The following ERCC6L2 variants were observed in gnomAD, a reference collection of about 807,000 sequenced individuals.
ERCC6L2 encodes ERCC excision repair 6 like 2.
ERCC6L2 carries 77 observed loss-of-function variants against 132.0 expected under a neutral mutation model. That is an observed-to-expected ratio of 0.58 (90% CI 0.49 to 0.71). The LOEUF is 0.71. ERCC6L2 is among the 30% of genes least tolerant of loss of function. The pLI, the probability that ERCC6L2 is intolerant of heterozygous loss-of-function variation, is 0.00. For synonymous variants in ERCC6L2, 583 were observed against 632.4 expected, an observed-to-expected ratio of 0.92 and a Z score of 1.17; for missense variants, 1,542 against 1,837.6, an observed-to-expected ratio of 0.84 and a Z score of 2.94.
At chr9:95,917,450 C>T (rs1829654100) in intron 6 of ERCC6L2, among the ~76,000 whole-genome samples, 1 of 152,128 alleles carries the variant, frequency 6.6e-6, no homozygotes, top group Non-Finnish European at 1.5e-5. Flanking sequence ...AGTGTATCCT[C>T]TTGATTGTTT....
chr9:95,981,527 A>G (rs1832893466), intron 17 of ERCC6L2, among the ~76,000 whole-genome samples: 1 of 152,216 alleles, frequency 6.6e-6, no homozygotes, highest in Admixed American at 6.5e-5. Context: ...AAATAAGAAC[A>G]CATTTTGCCT....
In ERCC6L2 at chr9:95,987,647, G is replaced by A. The variant is rs191205392; in HGVS notation, c.3492+9432G>A. On this transcript the variant is annotated intron_variant, in intron 17 of 18. Coordinates refer to ENST00000653738, the MANE Select transcript of ERCC6L2 (RefSeq NM_020207.7). ...GACTGCTTCCATGGGCTAGCATTGA[G>A]TGGCTGTGGCTTTTCCAGGTGCACA... 3.8e-3 allele frequency among the ~76,000 whole-genome samples: 584 copies of A among 152,304 alleles called. 7 individuals are homozygous for A. Among genetic ancestry groups the A allele is most frequent in the African/African-American group, 0.013 (559 of 41,552 alleles).
intron 17 of ERCC6L2, among the ~76,000 whole-genome samples, chr9:95,984,406 C>T (rs1291553174): frequency 6.6e-6 from 1 of 151,146 alleles, no homozygotes; most frequent in Non-Finnish European, 1.5e-5. Context: ...TTTTTTTCTA[C>T]CTGGAATAAC....
At position 95,915,756 on chromosome 9, in the gene ERCC6L2, T is replaced by C. The variant is rs1294184366; in HGVS notation, c.877T>C (p.Cys293Arg). Residue 293 changes from cysteine to arginine, a missense_variant, in exon 5 of 19, where the codon TGT becomes CGT. By Grantham distance (180) the Cys-to-Arg change is radical. Transcript: ENST00000653738. ...AACAGAAGTTATGAAAGCTTTGAAA[T>C]GTAATGTCCGCATTGGCCTCACTGG... Reference protein sequence around the residue: ...RVTEVMKALKCNVRIGLTGTI... With the variant: ...RVTEVMKALKRNVRIGLTGTI... The C allele has an allele frequency of 6.2e-7, 1 of 1,613,980 alleles. No individual in the cohort carries two copies. The highest frequency in any genetic ancestry group is 1.7e-5 in the Admixed American group (1 of 60,034).
chr9:95,933,907 T>C (rs1054710985), intron 11 of ERCC6L2, among the ~76,000 whole-genome samples: 3 of 151,864 alleles, frequency 2.0e-5, no homozygotes, highest in African/African-American at 7.3e-5. Flanking sequence ...GAAAATACCT[T>C]GCATAGTTCC....
chr9:95,880,928 G>A lies in ERCC6L2; in HGVS notation c.106G>A (p.Glu36Lys), dbSNP rs778732116. The A allele has an allele frequency of 2.5e-6, 4 of 1,613,810 alleles. No homozygotes were observed. Among genetic ancestry groups the A allele is most frequent in the Admixed American group, 1.7e-5 (1 of 59,984 alleles). Residue 36 changes from glutamate (E) to lysine (K), a missense_variant, in exon 2 of 19, where the codon GAA (glutamate) becomes AAA (lysine). Physicochemically the swap from Glu to Lys is moderately conservative, Grantham distance 56 (BLOSUM62 1). Transcript: ENST00000653738. ...APSPDNGKLC[E>K]ASIKSITVDE... ...TTCTCCAGATAATGGAAAACTTTGT[G>A]AAGCAAGCATAAAATCTATCACAGT...
intron 17 of ERCC6L2, among the ~76,000 whole-genome samples, chr9:95,985,337 T>C (rs1363587220): frequency 6.6e-6 from 1 of 152,194 alleles, no homozygotes; most frequent in Non-Finnish European, 1.5e-5. Context: ...TTGTGATAAT[T>C]CCCGCATGGA....
intron 14 of ERCC6L2, chr9:95,966,995 G>C (rs1051073861): frequency 4.2e-6 from 1 of 235,662 alleles, no homozygotes; most frequent in East Asian, 8.3e-5. Context: ...GAAGTTTATA[G>C]TTTTGAAAAC....
At chr9:95,888,942 T>C (rs1828017829) in intron 2 of ERCC6L2, among the ~76,000 whole-genome samples, 1 of 152,178 alleles carries the variant, frequency 6.6e-6, no homozygotes, top group Admixed American at 6.5e-5. Flanking sequence ...TGGTTTTAGC[T>C]AGCTTCTCCA....
chr9:95,922,277 T>C, intron 7 of ERCC6L2, 28 bp from the exon 8 acceptor site: 1 of 1,288,826 alleles, frequency 7.8e-7, no homozygotes, highest in Non-Finnish European at 1.1e-6. Flanking sequence ...GCTGGTCCTT[T>C]TTATTTTCTA....
At chr9:95,974,981 T>C (rs1039699520) in intron 16 of ERCC6L2, among the ~76,000 whole-genome samples, 2 of 152,244 alleles carry the variant, frequency 1.3e-5, no homozygotes, top group Middle Eastern at 3.4e-3. Context: ...GATTTACTTT[T>C]AATGCCCCAT....
intron 17 of ERCC6L2, among the ~76,000 whole-genome samples, chr9:95,996,058 A>G (rs1833461767): frequency 6.6e-6 from 1 of 152,268 alleles, no homozygotes; most frequent in Non-Finnish European, 1.5e-5. Context: ...AAAAGCCAAA[A>G]TAGGCTGAAA....
intron 19 of ERCC6L2, among the ~76,000 whole-genome samples, chr9:96,035,858 C>A (rs963307725): frequency 8.5e-5 from 13 of 152,132 alleles, no homozygotes; most frequent in Non-Finnish European, 1.3e-4. Context: ...AGTGGAGCAG[C>A]AAACCAGTGA....
Position 95,891,046 on chromosome 9 carries a change from C to CT in ERCC6L2, c.472-6802dup, listed in dbSNP as rs1354797526. 2.6e-5 allele frequency among the ~76,000 whole-genome samples: 4 copies of CT among 152,286 alleles called. No homozygotes were observed. The South Asian group carries it at 6.2e-4, about 24-fold the overall frequency. ...TGACCAACATGGAGAAACTCTGTCT[C>CT]TACTAAAAATACAAAATTAGCTGGG... On this transcript the variant is annotated intron_variant, in intron 2 of 18. Coordinates refer to ENST00000653738, the MANE Select transcript of ERCC6L2 (RefSeq NM_020207.7).
intron 11 of ERCC6L2, among the ~76,000 whole-genome samples, chr9:95,929,295 A>C (rs1830236409): frequency 6.6e-6 from 1 of 152,166 alleles, no homozygotes; most frequent in Non-Finnish European, 1.5e-5. Context: ...CCTCATCTCA[A>C]CTGGAGCAGC....
intron 4 of ERCC6L2, among the ~76,000 whole-genome samples, chr9:95,911,940 A>G (rs1444146610): frequency 3.3e-5 from 5 of 152,010 alleles, no homozygotes; most frequent in Admixed American, 2.6e-4. Flanking sequence ...CAACTTTTCA[A>G]TTTTTCTTTA....
intron 11 of ERCC6L2, among the ~76,000 whole-genome samples, chr9:95,934,661 C>T (rs913376473): frequency 6.6e-6 from 1 of 152,098 alleles, no homozygotes; most frequent in African/African-American, 2.4e-5. Context: ...TGACTACAAA[C>T]AGCTTTCTAA....
chr9:95,928,850 C>T lies in ERCC6L2; in HGVS notation c.1737C>T (p.Cys579=). 6.3e-7 allele frequency: 1 copy of T among 1,592,214 alleles called. No individual in the cohort carries two copies. The highest frequency in any genetic ancestry group is 2.3e-5 in the East Asian group (1 of 44,014). ...EFNSTQDVNI[C]LVSTMAGGLG... ...ACAGTACACAAGATGTTAACATTTG[C>T]CTTGTCTCTACAATGTAAGAAAATT... is the stretch of plus-strand genomic sequence containing the variant. Residue 579 remains cysteine, a synonymous_variant, in exon 11 of 19, where the codon TGC becomes TGT. Transcript: ENST00000653738.
chr9:96,040,157 C>A (rs371058306), intron 20 of ERCC6L2, among the ~76,000 whole-genome samples: 2 of 152,132 alleles, frequency 1.3e-5, no homozygotes, highest in South Asian at 2.1e-4. Flanking sequence ...GTCCTGCCCC[C>A]CCCCAAGCAC....
Sources: gnomAD v4.1 joint callset for allele counts (sites outside exome capture counted in the v4.1 genomes callset) on GRCh38, gnomAD v4.1.1 for gene constraint, MANE v1.5 for transcripts, NCBI Gene and HGNC (gene_info 2026-07-23, HGNC 2026-07-21) for gene names.